The following COL23A1 variants were observed in gnomAD, a reference collection of about 807,000 sequenced individuals.
COL23A1 encodes the protein collagen type XXIII alpha 1 chain, also known as collagen alpha-1(XXIII) chain.
In COL23A1, 97 loss-of-function variants were observed where a neutral mutation model predicts 99.3. That is an observed-to-expected ratio of 0.98 (90% CI 0.83 to 1.16). The LOEUF (loss-of-function observed/expected upper bound fraction) is 1.16. Ranked by LOEUF, COL23A1 falls within the 50% of genes most tolerant of loss-of-function variation. The pLI, the probability that COL23A1 is intolerant of heterozygous loss-of-function variation, is 0.00. For synonymous variants in COL23A1, 320 were observed against 308.2 expected, an observed-to-expected ratio of 1.04 and a Z score of -0.40; for missense variants, 762 against 757.4, an observed-to-expected ratio of 1.01 and a Z score of -0.07.
At chr5:178,556,908 G>A (rs879490939) in intron 2 of COL23A1, among the ~76,000 whole-genome samples, 6 of 152,072 alleles carry the variant, frequency 3.9e-5, no homozygotes, top group Non-Finnish European at 5.9e-5. Flanking sequence ...AGCTGAGATC[G>A]CGCCATTGCA....
intron 2 of COL23A1, among the ~76,000 whole-genome samples, chr5:178,330,616 T>C (rs1046456498): frequency 2.0e-5 from 3 of 151,034 alleles, no homozygotes; most frequent in African/African-American, 7.3e-5. Flanking sequence ...ATTGCACCAC[T>C]GCCCTCCAGC....
chr5:178,539,564 A>AAAAAG (rs1562068229), intron 2 of COL23A1, among the ~76,000 whole-genome samples: 4 of 137,190 alleles, frequency 2.9e-5, no homozygotes, highest in African/African-American at 5.5e-5. Flanking sequence ...AAAAAAAAAA[A>AAAAAG]AAAAGAAAAA....
intron 2 of COL23A1, among the ~76,000 whole-genome samples, chr5:178,505,702 G>A (rs1021701748): frequency 1.3e-5 from 2 of 152,132 alleles, no homozygotes; most frequent in African/African-American, 4.8e-5. Flanking sequence ...TCTTTTTGAA[G>A]GGGCACAATT....
intron 2 of COL23A1, among the ~76,000 whole-genome samples, chr5:178,342,794 A>C (rs63288060): frequency 0.45 from 67,379 of 150,466 alleles, 15,668 homozygotes; most frequent in East Asian, 0.79. Flanking sequence ...CAAGAAAAAA[A>C]AAACAAACAA....
chr5:178,563,744 C>T (rs1762718880), intron 1 of COL23A1, among the ~76,000 whole-genome samples: 1 of 151,976 alleles, frequency 6.6e-6, no homozygotes, highest in African/African-American at 2.4e-5. Flanking sequence ...GTTGCCCAGG[C>T]TGGTCCCAAA....
chr5:178,579,356 G>A (rs1581675394), intron 1 of COL23A1, among the ~76,000 whole-genome samples: 1 of 152,260 alleles, frequency 6.6e-6, no homozygotes, highest in East Asian at 1.9e-4. Flanking sequence ...TTAACAGATG[G>A]GCAAACTGAG....
At chr5:178,446,222 AAAATAATCT>A (rs1345576966) in intron 2 of COL23A1, among the ~76,000 whole-genome samples, 1 of 152,074 alleles carries the variant, frequency 6.6e-6, no homozygotes, top group African/African-American at 2.4e-5. Flanking sequence ...GCAAAAACTG[AAAATAATCT>A]AAATTTGTAC....
chr5:178,554,665 C>T (rs1762175394), intron 2 of COL23A1, among the ~76,000 whole-genome samples: 1 of 152,104 alleles, frequency 6.6e-6, no homozygotes, highest in South Asian at 2.1e-4. Flanking sequence ...ACACCACATG[C>T]TTCTGGTATT....
rs1756923810 is a variant in COL23A1, at chr5:178,281,992, C to T, written c.441+6332G>A. The stretch of plus-strand genomic sequence containing the variant: ...ACTTGAACCCAGGAGGCGAAGGTTA[C>T]AGTGAGCCGAGATCATGCCACTGCA... On this transcript the variant is annotated intron_variant, in intron 5 of 28. Coordinates refer to ENST00000390654, the MANE Select transcript of COL23A1 (RefSeq NM_173465.4). The surrounding 1 kb of genome is among the most constrained non-coding windows in gnomAD (Gnocchi z 4.0). 7.1e-6 allele frequency among the ~76,000 whole-genome samples: 1 copy of T among 140,272 alleles called. No homozygotes were observed. Among genetic ancestry groups the T allele is most frequent in the Non-Finnish European group, 1.5e-5 (1 of 66,196 alleles). The allele number at this position is 140,272 out of a possible 152,430, so 92.0% of individuals were successfully genotyped here. A position where few individuals can be genotyped will look rare whatever the true frequency, so the allele number is the denominator to read the frequency against.
At chr5:178,406,371 C>G (rs1457361225) in intron 2 of COL23A1, among the ~76,000 whole-genome samples, 1 of 151,814 alleles carries the variant, frequency 6.6e-6, no homozygotes, top group African/African-American at 2.4e-5. Flanking sequence ...AAAAGATGCT[C>G]ATGTTCCTTA....
intron 1 of COL23A1, among the ~76,000 whole-genome samples, chr5:178,573,912 A>C (rs1310940244): frequency 6.6e-6 from 1 of 151,884 alleles, no homozygotes; most frequent in Non-Finnish European, 1.5e-5. Context: ...AGGCTGGAGT[A>C]CAGTGATGCA....
chr5:178,385,702 C>G (rs912032810), intron 2 of COL23A1, among the ~76,000 whole-genome samples: 7 of 152,352 alleles, frequency 4.6e-5, no homozygotes, highest in African/African-American at 1.7e-4. Context: ...GATGTTGACT[C>G]ACACCTGGGT....
chr5:178,426,564 T>C (rs1012395347), intron 2 of COL23A1, among the ~76,000 whole-genome samples: 5 of 152,216 alleles, frequency 3.3e-5, no homozygotes, highest in South Asian at 2.1e-4. Flanking sequence ...TCCATCCCTG[T>C]AGATGAGCCG....
At chr5:178,574,701 C>T (rs1187253865) in intron 1 of COL23A1, among the ~76,000 whole-genome samples, 5 of 152,170 alleles carry the variant, frequency 3.3e-5, no homozygotes, top group African/African-American at 9.7e-5. Context: ...CTGTTTCTTG[C>T]GGCAACCGGT....
chr5:178,245,333 CATCCATCCATCA>C (rs1439081479), intron 25 of COL23A1, among the ~76,000 whole-genome samples: 14 of 147,620 alleles, frequency 9.5e-5, no homozygotes, highest in African/African-American at 3.5e-4. Flanking sequence ...TCCATCCATC[CATCCATCCATCA>C]TTCATCTATT....
chr5:178,268,919 T>C (rs1756063652), intron 6 of COL23A1, among the ~76,000 whole-genome samples, 163 bp from the exon 7 acceptor site: 1 of 152,152 alleles, frequency 6.6e-6, no homozygotes, highest in Admixed American at 6.5e-5. Context: ...CTGCCCTGGC[T>C]GGCCCAAGGA....
intron 2 of COL23A1, among the ~76,000 whole-genome samples, chr5:178,343,030 C>A (rs1238328957): frequency 6.6e-6 from 1 of 152,192 alleles, no homozygotes; most frequent in African/African-American, 2.4e-5. Flanking sequence ...GAAGTGAACA[C>A]TGAAATTTTG....
intron 3 of COL23A1, among the ~76,000 whole-genome samples, chr5:178,305,413 T>C (rs200739713): frequency 6.8e-5 from 1 of 14,642 alleles, no homozygotes; most frequent in Non-Finnish European, 2.4e-4. Context: ...TGGGCCCAGT[T>C]GGCCCGGGGT....
At chr5:178,272,126 G>C (rs1194352108) in intron 5 of COL23A1, among the ~76,000 whole-genome samples, 2 of 152,330 alleles carry the variant, frequency 1.3e-5, no homozygotes, top group African/African-American at 2.4e-5. Context: ...TCGGCTCTCT[G>C]TTCCCTCTGC....
Sources: allele counts gnomAD v4.1 joint callset (sites outside exome capture counted in the v4.1 genomes callset), GRCh38; gene constraint gnomAD v4.1.1; non-coding constraint Gnocchi (gnomAD v3.1); transcripts MANE v1.5; gene names NCBI Gene and HGNC (gene_info 2026-07-23, HGNC 2026-07-21).